FLCN: variants seen among roughly 807,000 people sequenced by gnomAD.
FLCN encodes the protein BHD skin lesion fibrofolliculoma protein.
A neutral mutation model predicts 62.5 loss-of-function variants in FLCN; 22 were observed. The observed-to-expected ratio is 0.35, with a 90% CI of 0.25 to 0.50. The LOEUF is 0.50. Ranked by LOEUF, FLCN falls within the 20% of genes least tolerant of loss-of-function variation. FLCN has a pLI of 0.97. For synonymous variants in FLCN, 319 were observed against 310.0 expected, an observed-to-expected ratio of 1.03 and a Z score of -0.30; for missense variants, 657 against 778.0, an observed-to-expected ratio of 0.84 and a Z score of 1.85.
chr17:17,236,103 G>A (rs1367252766), intron 1 of FLCN: 1 of 152,144 alleles, frequency 6.6e-6, no homozygotes, highest in East Asian at 1.9e-4. Flanking sequence ...GCACTATAAC[G>A]GATCTTAACC....
Position 17,221,645 on chromosome 17 carries a change from C to A in FLCN, c.780-17G>T. ...TTCAGGAGCCTGGAGAACACAGCAC[C>A]AGCTATGAGCGTTCTCGCCAAAGGA... is the stretch of plus-strand genomic sequence containing the variant. On this transcript the variant is annotated splice_polypyrimidine_tract_variant and intron_variant, in intron 7 of 13. Transcript: ENST00000285071. 1 of 1,604,430 alleles carries A rather than the reference C, an allele frequency of 6.2e-7. No individual in the cohort carries two copies. Among genetic ancestry groups the A allele is most frequent in the African/African-American group, 1.3e-5 (1 of 75,004 alleles).
chr17:17,223,288 T>C (rs1023313139), intron 6 of FLCN, among the ~76,000 whole-genome samples: 21 of 152,184 alleles, frequency 1.4e-4, no homozygotes, highest in African/African-American at 5.1e-4. Flanking sequence ...AGACGGGGTT[T>C]CTCCATGTTG....
chr17:17,228,107 AG>A lies in FLCN; in HGVS notation c.30del (p.Cys11AlafsTer44), dbSNP rs2145050572. 1 of 1,613,328 alleles carries A rather than the reference AG, an allele frequency of 6.2e-7. No homozygotes were observed. Among genetic ancestry groups the A allele is most frequent in the Non-Finnish European group, 8.5e-7 (1 of 1,180,036 alleles). On this transcript the variant is annotated frameshift_variant, in exon 4 of 14. Transcript: ENST00000285071. LOFTEE classifies it high-confidence loss of function. ...AGAGTGCGGGGGCCGTGGAGCTCGC[AG>A]AAGTGGCAGAGAGCCACGATGGCAT... is the stretch of plus-strand genomic sequence containing the variant. MNAIVALCH[F>X]CELHGPRTLF...
intron 9 of FLCN, 51 bp from the exon 10 acceptor site, chr17:17,217,233 C>T (rs769365268): frequency 8.2e-7 from 1 of 1,216,524 alleles, no homozygotes. Flanking sequence ...AATGGTTTTT[C>T]TCTCCCTTCC....
At chr17:17,222,876 G>A (rs1181585351) in intron 6 of FLCN, 22 of 622,060 alleles carry the variant, frequency 3.5e-5, no homozygotes, top group South Asian at 7.0e-5. Context: ...AACAGAAATC[G>A]GTTGAGCTTC....
intron 3 of FLCN, chr17:17,228,767 T>C (rs1419909138): frequency 6.4e-6 from 1 of 156,420 alleles, no homozygotes; most frequent in East Asian, 1.9e-4. Flanking sequence ...TGCTGTACTG[T>C]CTGAGGGGTG....
Position 17,222,563 on chromosome 17 carries a change from G to A in FLCN, c.717C>T (p.Arg239=), listed in dbSNP as rs1597602140. Residue 239 remains arginine, a synonymous_variant, in exon 7 of 14, where the codon CGC becomes CGT. Transcript: ENST00000285071. ...CATCACTTGTCAGCGATGTCAGCGA[G>A]CGGGCGGCGTTGCCGTTCCTCTGGT... ...FLHQRNGNAA[R]SLTSLTSDDN... 6.2e-7 allele frequency: 1 copy of A among 1,614,254 alleles called. No individual in the cohort carries two copies. Among genetic ancestry groups the A allele is most frequent in the Non-Finnish European group, 8.5e-7 (1 of 1,180,048 alleles).
chr17:17,212,919 G>T lies in FLCN; in HGVS notation c.*736C>A. 1 of 234,086 alleles carries T rather than the reference G, an allele frequency of 4.3e-6. No homozygotes were observed. Among genetic ancestry groups the T allele is most frequent in the Non-Finnish European group, 8.4e-6 (1 of 118,680 alleles). 14.5% of individuals were successfully genotyped at this position (234,086 alleles called of 1,614,324 possible). ...CGATACAGAATAAAAGCATGGCGGG[G>T]CTCACCATATCCAGGGGATTGGGCA... is the stretch of plus-strand genomic sequence containing the variant. On this transcript the variant is annotated 3_prime_UTR_variant, in exon 14 of 14. Transcript: ENST00000285071.
chr17:17,235,445 G>A (rs1329136895), intron 1 of FLCN: 1 of 152,180 alleles, frequency 6.6e-6, no homozygotes, highest in Non-Finnish European at 1.5e-5. Context: ...ATGAGATTCT[G>A]TCTCCAAAAA....
chr17:17,231,047 A>C (rs2047406106), intron 3 of FLCN, among the ~76,000 whole-genome samples: 1 of 151,988 alleles, frequency 6.6e-6, no homozygotes, highest in South Asian at 2.1e-4. Flanking sequence ...AAGTACAAAA[A>C]AAATTAGCCA....
rs2047076233 is a variant in FLCN, at chr17:17,221,275, C to T, written c.871+262G>A. 54 of 1,546,512 alleles carry T rather than the reference C, an allele frequency of 3.5e-5. No individual in the cohort carries two copies. In the South Asian group the frequency reaches 6.5e-4, roughly 19 times the overall value. Reference sequence around the variant, plus strand: ...GAAGCCTTTAATCAGCCAGTTCTCTCTACAGACAGCCCACCTGTGAATTTT... The same window carrying T: ...GAAGCCTTTAATCAGCCAGTTCTCTTTACAGACAGCCCACCTGTGAATTTT... On this transcript the variant is annotated intron_variant, in intron 8 of 13. Coordinates refer to ENST00000285071, the MANE Select transcript of FLCN (RefSeq NM_144997.7).
At chr17:17,214,748 C>G (rs759930654) in intron 13 of FLCN, among the ~76,000 whole-genome samples, 1 of 152,172 alleles carries the variant, frequency 6.6e-6, no homozygotes, top group Non-Finnish European at 1.5e-5. Flanking sequence ...AAGCCTCAGT[C>G]GCTCTCCAAG....
In FLCN at chr17:17,213,509, G is replaced by A; in HGVS notation, c.*146C>T. On this transcript the variant is annotated 3_prime_UTR_variant, in exon 14 of 14. Transcript: ENST00000285071. ...AGCACACAGGCCCCAAACCTGACAG[G>A]GCCGAGCCCAGCCCTGATGGTTTCC... The A allele has an allele frequency of 9.0e-7, 1 of 1,114,970 alleles. No individual in the cohort carries two copies. The highest frequency in any genetic ancestry group is 1.3e-6 in the Non-Finnish European group (1 of 756,186). The allele number at this position is 1,114,970 out of a possible 1,614,324, so 69.1% of individuals were successfully genotyped here. A position where few individuals can be genotyped will look rare whatever the true frequency, so the allele number is the denominator to read the frequency against.
chr17:17,213,946 G>A, intron 13 of FLCN, 90 bp from the exon 14 acceptor site: 1 of 1,382,082 alleles, frequency 7.2e-7, no homozygotes, highest in Non-Finnish European at 1.0e-6. Context: ...CACGGCTTTG[G>A]CACCAGCAGG....
At chr17:17,215,516 G>T (rs913789565) in intron 11 of FLCN, among the ~76,000 whole-genome samples, 200 bp from the exon 12 acceptor site, 2 of 152,158 alleles carry the variant, frequency 1.3e-5, no homozygotes, top group African/African-American at 4.8e-5. Flanking sequence ...TTTTGCCTCA[G>T]TTAAACTAAT....
intron 3 of FLCN, among the ~76,000 whole-genome samples, chr17:17,230,513 A>C (rs1433187739): frequency 6.6e-6 from 1 of 151,682 alleles, no homozygotes; most frequent in East Asian, 1.9e-4. Flanking sequence ...CTGGGCAACA[A>C]AGTGAGACTC....
chr17:17,214,498 G>A (rs1170292251), intron 13 of FLCN, among the ~76,000 whole-genome samples: 3 of 152,118 alleles, frequency 2.0e-5, no homozygotes, highest in Non-Finnish European at 4.4e-5. Context: ...AGAGGCTGAG[G>A]CAGAAGAATC....
At chr17:17,231,009 C>T (rs981337951) in intron 3 of FLCN, among the ~76,000 whole-genome samples, 1 of 151,916 alleles carries the variant, frequency 6.6e-6, no homozygotes, top group African/African-American at 2.4e-5. Flanking sequence ...CCAGCCTGGC[C>T]AACATGGCAA....
At chr17:17,220,919 A>C (rs1409920397) in intron 8 of FLCN, 1 of 272,824 alleles carries the variant, frequency 3.7e-6, no homozygotes, top group African/African-American at 2.2e-5. Flanking sequence ...GTCATTTGCA[A>C]GCAGAAGCAT....
Sources: gnomAD v4.1 joint callset for allele counts (sites outside exome capture counted in the v4.1 genomes callset) on GRCh38, gnomAD v4.1.1 for gene constraint, MANE v1.5 for transcripts, NCBI Gene and HGNC (gene_info 2026-07-23, HGNC 2026-07-21) for gene names.